SNTB2: variants seen among roughly 807,000 people sequenced by gnomAD.
SNTB2 encodes syntrophin beta 2.
In SNTB2, 34 loss-of-function variants were observed where a neutral mutation model predicts 46.2. The ratio of observed to expected loss-of-function variants is 0.74; its 90% CI spans 0.56 to 0.98. The LOEUF is 0.98. Ranked by LOEUF, SNTB2 falls within the 50% of genes least tolerant of loss-of-function variation. SNTB2 has a pLI of 0.00. For missense variants in SNTB2, 603 were observed against 731.4 expected (o/e 0.82, Z 2.02); for synonymous variants, 290 against 312.6 (o/e 0.93, Z 0.76).
At chr16:69,219,089 G>A (rs1354483252) in intron 1 of SNTB2, among the ~76,000 whole-genome samples, 2 of 152,204 alleles carry the variant, frequency 1.3e-5, no homozygotes, top group African/African-American at 4.8e-5. Context: ...ATAGGAGAGA[G>A]AGGAGGATTG....
chr16:69,193,528 C>T (rs1964074859), intron 1 of SNTB2, among the ~76,000 whole-genome samples: 1 of 151,424 alleles, frequency 6.6e-6, no homozygotes, highest in African/African-American at 2.4e-5. Context: ...AGGGTTTCTC[C>T]ATGTTGGCCA....
At chr16:69,200,146 C>T (rs1394204846) in intron 1 of SNTB2, among the ~76,000 whole-genome samples, 1 of 152,122 alleles carries the variant, frequency 6.6e-6, no homozygotes, top group Non-Finnish European at 1.5e-5. Flanking sequence ...AATCTCCTGA[C>T]CTCGTGATCC....
At chr16:69,294,257 GTCC>G (rs1161285405) in intron 5 of SNTB2, among the ~76,000 whole-genome samples, 1 of 152,086 alleles carries the variant, frequency 6.6e-6, no homozygotes, top group East Asian at 1.9e-4. Flanking sequence ...GCCTCAAGCA[GTCC>G]TCCACCTCAG....
chr16:69,259,946 G>A (rs1337717323), intron 2 of SNTB2, 104 bp from the exon 3 acceptor site: 79 of 894,580 alleles, frequency 8.8e-5, no homozygotes, highest in Non-Finnish European at 1.8e-5. Flanking sequence ...AAATTTATTT[G>A]AAGAATGCAA....
intron 1 of SNTB2, among the ~76,000 whole-genome samples, chr16:69,238,414 C>T (rs1294814465): frequency 1.3e-5 from 2 of 152,192 alleles, no homozygotes; most frequent in East Asian, 3.9e-4. Flanking sequence ...TCCCTGCACT[C>T]TGCCCACATC....
chr16:69,198,456 G>C (rs533247735), intron 1 of SNTB2, among the ~76,000 whole-genome samples: 4 of 152,054 alleles, frequency 2.6e-5, no homozygotes, highest in Non-Finnish European at 5.9e-5. Flanking sequence ...TTCATTGCAC[G>C]TTCTGCCTCT....
intron 1 of SNTB2, among the ~76,000 whole-genome samples, chr16:69,236,460 A>G (rs1315915174): frequency 6.6e-6 from 1 of 152,132 alleles, no homozygotes; most frequent in Non-Finnish European, 1.5e-5. Flanking sequence ...TCAAATTCAT[A>G]AGGACAGAAA....
chr16:69,240,120 T>C (rs1964596788), intron 1 of SNTB2, among the ~76,000 whole-genome samples: 1 of 152,218 alleles, frequency 6.6e-6, no homozygotes, highest in Non-Finnish European at 1.5e-5. Context: ...AATGTAAGTT[T>C]TCATTTCTCT....
intron 2 of SNTB2, among the ~76,000 whole-genome samples, chr16:69,256,641 G>A (rs1964779516): frequency 6.6e-6 from 1 of 152,090 alleles, no homozygotes; most frequent in South Asian, 2.1e-4. Context: ...TGTAACATGT[G>A]TTAGGATTTC....
chr16:69,253,083 T>A (rs1433057799), intron 2 of SNTB2, among the ~76,000 whole-genome samples: 3 of 151,620 alleles, frequency 2.0e-5, no homozygotes, highest in Non-Finnish European at 4.4e-5. Context: ...GTATTTTTAG[T>A]AGAGATGGGG....
intron 3 of SNTB2, among the ~76,000 whole-genome samples, chr16:69,268,757 C>T (rs1212450507): frequency 4.0e-5 from 6 of 148,556 alleles, no homozygotes; most frequent in Middle Eastern, 3.8e-3. Flanking sequence ...CCCAGCTCCT[C>T]GGGAGGCTGA....
rs1025434708 is a variant in SNTB2 at position 69,199,521 on chromosome 16, G to A, written c.580+11775G>A. 2.0e-5 allele frequency among the ~76,000 whole-genome samples: 3 copies of A among 149,858 alleles called. No homozygotes were observed. The East Asian group carries it at 5.8e-4, about 29-fold the overall frequency. On this transcript the variant is annotated intron_variant, in intron 1 of 6. Coordinates refer to ENST00000336278, the MANE Select transcript of SNTB2 (RefSeq NM_006750.4). ...GAGGTGGGAGGATCACTTGAGCCTGGGAGGTGGACGCTTTGGTGAGCCATG... is the reference window on the plus strand; with the variant it reads ...GAGGTGGGAGGATCACTTGAGCCTGAGAGGTGGACGCTTTGGTGAGCCATG...
At chr16:69,278,958 C>T (rs1965010071) in intron 4 of SNTB2, among the ~76,000 whole-genome samples, 1 of 151,024 alleles carries the variant, frequency 6.6e-6, no homozygotes, top group Admixed American at 6.6e-5. Flanking sequence ...CGTGTGCTCG[C>T]TTCGGCAGCA....
chr16:69,247,055 AAT>A (rs964175819), intron 2 of SNTB2, among the ~76,000 whole-genome samples: 32 of 147,268 alleles, frequency 2.2e-4, no homozygotes, highest in East Asian at 1.6e-3. Context: ...TAATAAAAAA[AAT>A]ATATATATAT....
intron 1 of SNTB2, among the ~76,000 whole-genome samples, chr16:69,239,209 C>T (rs115510128): frequency 0.018 from 2,764 of 152,286 alleles, 86 homozygotes; most frequent in African/African-American, 0.062. Context: ...CTTACCCTAA[C>T]TACCATATTT....
At chr16:69,204,384 C>T (rs540972827) in intron 1 of SNTB2, among the ~76,000 whole-genome samples, 26 of 152,260 alleles carry the variant, frequency 1.7e-4, no homozygotes, top group Admixed American at 1.6e-3. Context: ...GGTTGTGTGC[C>T]ATCAGGTCTT....
chr16:69,238,560 C>T (rs147818514), intron 1 of SNTB2, among the ~76,000 whole-genome samples: 6 of 152,272 alleles, frequency 3.9e-5, no homozygotes, highest in African/African-American at 1.2e-4. Context: ...TGTTTTTAGC[C>T]TACACCCATT....
At chr16:69,218,393 T>C (rs980437398) in intron 1 of SNTB2, among the ~76,000 whole-genome samples, 6 of 152,114 alleles carry the variant, frequency 3.9e-5, no homozygotes, top group African/African-American at 1.4e-4. Context: ...TTTCAAAGCA[T>C]TGATGGTTCC....
At chr16:69,211,461 TG>T (rs1964285868) in intron 1 of SNTB2, among the ~76,000 whole-genome samples, 1 of 141,838 alleles carries the variant, frequency 7.1e-6, no homozygotes, top group Non-Finnish European at 1.5e-5. Context: ...GAGGCTGAGG[TG>T]GGAGAATCAT....
Sources: allele counts gnomAD v4.1 joint callset (sites outside exome capture counted in the v4.1 genomes callset), GRCh38; gene constraint gnomAD v4.1.1; transcripts MANE v1.5; gene names NCBI Gene and HGNC (gene_info 2026-07-23, HGNC 2026-07-21).